The following EPHA3 variants were observed in gnomAD, a reference collection of about 807,000 sequenced individuals.
EPHA3 encodes ephrin type-A receptor 3.
A neutral mutation model predicts 107.1 loss-of-function variants in EPHA3; 42 were observed. The ratio of observed to expected loss-of-function variants is 0.39; its 90% CI spans 0.31 to 0.51. The LOEUF is 0.51. Ranked by LOEUF, EPHA3 falls within the 20% of genes least tolerant of loss-of-function variation. EPHA3 has a pLI of 0.78. For missense variants in EPHA3, 1,183 were observed against 1,211.2 expected (o/e 0.98, Z 0.35); for synonymous variants, 461 against 424.8 (o/e 1.09, Z -1.05).
intron 3 of EPHA3, among the ~76,000 whole-genome samples, chr3:89,293,169 T>G (rs1706257318): frequency 6.6e-6 from 1 of 152,162 alleles, no homozygotes; most frequent in Non-Finnish European, 1.5e-5. Context: ...ATTTAAAGGT[T>G]TTGTCCTTTT....
intron 13 of EPHA3, among the ~76,000 whole-genome samples, chr3:89,438,084 A>G (rs1709708632): frequency 6.6e-6 from 1 of 151,514 alleles, no homozygotes; most frequent in Admixed American, 6.6e-5. Flanking sequence ...GTTTTGTTTG[A>G]TTTCATTTTT....
intron 11 of EPHA3, among the ~76,000 whole-genome samples, chr3:89,419,945 C>G (rs577147922): frequency 4.0e-4 from 61 of 151,236 alleles, no homozygotes; most frequent in Non-Finnish European, 8.9e-4. Flanking sequence ...ATCTAGAAAC[C>G]CAGGTGGATT....
rs1708924650 is a variant in EPHA3 at position 89,399,912 on chromosome 3, C to T, written c.1594+432C>T. On this transcript the variant is annotated intron_variant, in intron 7 of 16. Coordinates refer to ENST00000336596, the MANE Select transcript of EPHA3 (RefSeq NM_005233.6). The stretch of plus-strand genomic sequence containing the variant: ...CCTTAACACATTCAATAGCATATCA[C>T]AGAGAGAATAAGGATTTTCTAAAAT... 2.8e-6 allele frequency: 3 copies of T among 1,058,726 alleles called. No individual in the cohort carries two copies. The African/African-American group carries it at 4.9e-5, about 17-fold the overall frequency. 65.6% of individuals were successfully genotyped at this position (1,058,726 alleles called of 1,614,324 possible). A position where few individuals can be genotyped will look rare whatever the true frequency, so the allele number is the denominator to read the frequency against.
intron 5 of EPHA3, among the ~76,000 whole-genome samples, chr3:89,346,445 A>T (rs1385689718): frequency 1.4e-5 from 2 of 146,782 alleles, no homozygotes; most frequent in African/African-American, 2.5e-5. Flanking sequence ...CATGTCCTTC[A>T]CCCACTTTTT....
intron 3 of EPHA3, among the ~76,000 whole-genome samples, chr3:89,223,309 G>A (rs1189049293): frequency 6.6e-6 from 1 of 152,160 alleles, no homozygotes; most frequent in African/African-American, 2.4e-5. Context: ...AGGAAATGCT[G>A]ACTCCATCCT....
intron 3 of EPHA3, among the ~76,000 whole-genome samples, chr3:89,305,767 C>T (rs1051973664): frequency 1.7e-4 from 26 of 152,206 alleles, no homozygotes; most frequent in Middle Eastern, 3.4e-3. Context: ...CGACTATGTG[C>T]GTTCAACCAG....
At chr3:89,320,128 C>G (rs1707009280) in intron 3 of EPHA3, among the ~76,000 whole-genome samples, 1 of 151,816 alleles carries the variant, frequency 6.6e-6, no homozygotes, top group Non-Finnish European at 1.5e-5. Flanking sequence ...CTAGTCAAAA[C>G]TAGTCTTACT....
chr3:89,468,988 A>C (rs1710346844), intron 15 of EPHA3, among the ~76,000 whole-genome samples: 1 of 152,170 alleles, frequency 6.6e-6, no homozygotes, highest in African/African-American at 2.4e-5. Context: ...GAAGAAGATA[A>C]CTTATGAAAT....
Position 89,437,013 on chromosome 3 carries a change from C to T in EPHA3, c.2346+5654C>T, listed in dbSNP as rs1576377373. Reference sequence around the variant, plus strand: ...TTTTCCATTATACAATGTTATTATGCATCCTGTAAAACTCCACTGTACTCT... The same window carrying T: ...TTTTCCATTATACAATGTTATTATGTATCCTGTAAAACTCCACTGTACTCT... On this transcript the variant is annotated intron_variant, in intron 13 of 16. Coordinates refer to ENST00000336596, the MANE Select transcript of EPHA3 (RefSeq NM_005233.6). Among the ~76,000 whole-genome samples the T allele has an allele frequency of 1.3e-5, 2 of 152,238 alleles. 1 individual carries two copies. The highest frequency in any genetic ancestry group is 3.9e-4 in the East Asian group (2 of 5,176).
At chr3:89,406,072 A>T (rs1362176368) in intron 7 of EPHA3, among the ~76,000 whole-genome samples, 1 of 152,234 alleles carries the variant, frequency 6.6e-6, no homozygotes, top group Non-Finnish European at 1.5e-5. Flanking sequence ...GCATACAAAT[A>T]GAGACCAAAT....
chr3:89,327,483 C>A (rs1707190943), intron 3 of EPHA3, among the ~76,000 whole-genome samples: 1 of 152,044 alleles, frequency 6.6e-6, no homozygotes, highest in Admixed American at 6.6e-5. Flanking sequence ...GCTAAGAAAC[C>A]AAGACTTACT....
intron 11 of EPHA3, among the ~76,000 whole-genome samples, chr3:89,422,700 C>CT (rs1709375276): frequency 6.6e-6 from 1 of 151,328 alleles, no homozygotes; most frequent in Non-Finnish European, 1.5e-5. Context: ...GAAAAAAATT[C>CT]TTGAAAATAA....
At position 89,219,702 on chromosome 3, in the gene EPHA3, T is replaced by G. The variant is rs1173710833; in HGVS notation, c.814+9182T>G. Among the ~76,000 whole-genome samples, 2 of 26,936 alleles carry G rather than the reference T, an allele frequency of 7.4e-5. 1 individual carries two copies. The highest frequency in any genetic ancestry group is 1.5e-4 in the Non-Finnish European group (2 of 13,012). The allele number at this position is 26,936 out of a possible 152,430, so 17.7% of individuals were successfully genotyped here. A position where few individuals can be genotyped will look rare whatever the true frequency, so the allele number is the denominator to read the frequency against. On this transcript the variant is annotated intron_variant, in intron 3 of 16. Coordinates refer to ENST00000336596, the MANE Select transcript of EPHA3 (RefSeq NM_005233.6). The stretch of plus-strand genomic sequence containing the variant: ...CATTTGGCAATGTTTTTTTTTTTTT[T>G]GTTTTTTGTTTTTTTTTTTTTTTTG...
chr3:89,396,641 G>A (rs1404014378), intron 6 of EPHA3, among the ~76,000 whole-genome samples: 1 of 151,984 alleles, frequency 6.6e-6, no homozygotes, highest in Non-Finnish European at 1.5e-5. Context: ...TTTTTTTCTG[G>A]TTGTAAATGA....
intron 5 of EPHA3, among the ~76,000 whole-genome samples, chr3:89,371,893 A>T (rs1247410205): frequency 6.6e-6 from 1 of 151,588 alleles, no homozygotes; most frequent in Admixed American, 6.6e-5. Flanking sequence ...ACATTTGAAG[A>T]GTTACTAGAA....
chr3:89,273,554 A>C (rs1441299746), intron 3 of EPHA3, among the ~76,000 whole-genome samples: 2 of 151,896 alleles, frequency 1.3e-5, no homozygotes, highest in Non-Finnish European at 2.9e-5. Flanking sequence ...AAGAGTGAGA[A>C]GATACTCAGT....
chr3:89,444,948 A>G (rs1023336505), intron 13 of EPHA3, among the ~76,000 whole-genome samples: 2 of 152,158 alleles, frequency 1.3e-5, no homozygotes, highest in Non-Finnish European at 2.9e-5. Context: ...TTTCATGAAT[A>G]TTGAATACAT....
At chr3:89,437,167 T>C (rs572703117) in intron 13 of EPHA3, among the ~76,000 whole-genome samples, 1 of 152,324 alleles carries the variant, frequency 6.6e-6, no homozygotes, top group African/African-American at 2.4e-5. Context: ...TGAAAGCCAC[T>C]GTTATAGATA....
intron 2 of EPHA3, among the ~76,000 whole-genome samples, chr3:89,193,247 A>C (rs1705760442): frequency 1.3e-5 from 2 of 152,098 alleles, no homozygotes; most frequent in South Asian, 4.1e-4. Context: ...TTGTAGCTTA[A>C]GTAGCTGGCC....
Sources: gnomAD v4.1 joint callset for allele counts (sites outside exome capture counted in the v4.1 genomes callset) on GRCh38, gnomAD v4.1.1 for gene constraint, MANE v1.5 for transcripts, NCBI Gene and HGNC (gene_info 2026-07-23, HGNC 2026-07-21) for gene names.